DST: variants seen among roughly 807,000 people sequenced by gnomAD.
DST encodes bullous pemphigoid antigen.
Under a neutral mutation model 875.2 loss-of-function variants are expected in DST, and 253 were observed. The observed-to-expected ratio is 0.29, with a 90% CI of 0.26 to 0.32. DST has a LOEUF of 0.32. Ranked by LOEUF, DST falls within the 10% of genes least tolerant of loss-of-function variation. The probability of loss-of-function intolerance (pLI) is 1.00; values close to 1 mark genes in which losing one functional copy is unlikely to be tolerated. For synonymous variants in DST, 3,124 were observed against 3,197.1 expected (o/e 0.98, Z 0.77); for missense variants, 8,287 against 9,111.6 (o/e 0.91, Z 3.68).
At position 56,515,654 on chromosome 6, in the gene DST, C is replaced by T; in HGVS notation, c.18372G>A (p.Lys6124=). The T allele has an allele frequency of 6.2e-7, 1 of 1,604,062 alleles. No homozygotes were observed. The highest frequency in any genetic ancestry group is 8.5e-7 in the Non-Finnish European group (1 of 1,174,462). Residue 6124 remains lysine (K), a synonymous_variant, in exon 72 of 104, where the codon AAG becomes AAA. Coordinates refer to ENST00000680361, the MANE Select transcript of DST (RefSeq NM_001374736.1). ...AGATGGTATCATAGTTCTTCAGTAC[C>T]TTGTCCAGTTTTTTCTAGAAAATAA... The part of the protein sequence containing the change: ...EKQSMKKKLD[K]VLKNYDTICQ...
Position 56,771,110 on chromosome 6 carries a change from T to C in DST, c.626-35821A>G, listed in dbSNP as rs77422639. 3.8e-3 allele frequency among the ~76,000 whole-genome samples: 578 copies of C among 151,528 alleles called. 24 individuals carry two copies. The East Asian group carries it at 0.092, about 24-fold the overall frequency. On this transcript the variant is annotated intron_variant, in intron 4 of 103. Coordinates refer to ENST00000680361, the MANE Select transcript of DST (RefSeq NM_001374736.1). ...ATAAACATATCTCTTCTGGTCAATA[T>C]AAACACAGCCTTAGAGCTACCACAT...
chr6:56,870,169 G>A (rs1160396637), intron 3 of DST, among the ~76,000 whole-genome samples: 1 of 152,038 alleles, frequency 6.6e-6, no homozygotes, highest in Admixed American at 6.6e-5. Flanking sequence ...AGCTGGGAAG[G>A]TGACCACATC....
At position 56,599,437 on chromosome 6, in the gene DST, G is replaced by A. The variant is rs148760206; in HGVS notation, c.11694+632C>T. On this transcript the variant is annotated intron_variant, in intron 45 of 103. Transcript: ENST00000680361. ...GAGCCATGACTATGTGACCTTAACT[G>A]TGCTAGTGACTTACACAATATTTAC... 1.1e-3 allele frequency among the ~76,000 whole-genome samples: 160 copies of A among 152,142 alleles called. 2 individuals are homozygous for A. Among genetic ancestry groups the A allele is most frequent in the Non-Finnish European group, 1.3e-3 (87 of 67,956 alleles).
intron 4 of DST, among the ~76,000 whole-genome samples, chr6:56,787,768 GTACTATAA>G (rs2099708021): frequency 6.6e-6 from 1 of 152,120 alleles, no homozygotes; most frequent in African/African-American, 2.4e-5. Context: ...TTCTATGAAA[GTACTATAA>G]TGTTAACTTG....
At chr6:56,749,354 A>G (rs553772412) in intron 4 of DST, among the ~76,000 whole-genome samples, 1 of 152,100 alleles carries the variant, frequency 6.6e-6, no homozygotes, top group East Asian at 1.9e-4. Context: ...ACTGTGTCTC[A>G]AAAAAATAAA....
At chr6:56,594,765 C>A (rs2098341953) in intron 47 of DST, among the ~76,000 whole-genome samples, 1 of 152,210 alleles carries the variant, frequency 6.6e-6, no homozygotes, top group Non-Finnish European at 1.5e-5. Flanking sequence ...AGCTACTCAG[C>A]TTCACTGGGC....
At chr6:56,875,918 G>T (rs913630170) in intron 3 of DST, among the ~76,000 whole-genome samples, 9 of 152,062 alleles carry the variant, frequency 5.9e-5, no homozygotes, top group African/African-American at 2.2e-4. Flanking sequence ...TCTTTTCTAG[G>T]TGCCCTTTGA....
At chr6:56,599,978 C>T (rs553659891) in intron 45 of DST, 91 bp downstream of exon 45, 2 of 1,258,860 alleles carry the variant, frequency 1.6e-6, no homozygotes, top group African/African-American at 1.5e-5. Flanking sequence ...GCTAAAATTA[C>T]TGGTATTTTC....
intron 4 of DST, among the ~76,000 whole-genome samples, chr6:56,764,556 T>C (rs1163169903): frequency 6.6e-6 from 1 of 152,188 alleles, no homozygotes; most frequent in Admixed American, 6.5e-5. Flanking sequence ...TGACCTTGTT[T>C]CATGTCTGTT....
chr6:56,726,801 T>C (rs1260368185), intron 5 of DST, among the ~76,000 whole-genome samples: 4 of 152,204 alleles, frequency 2.6e-5, no homozygotes, highest in Non-Finnish European at 5.9e-5. Flanking sequence ...AAAAGCTTTA[T>C]TTAGTTTCAT....
At chr6:56,631,770 C>T in intron 29 of DST, 113 bp downstream of exon 29, 6 of 954,384 alleles carry the variant, frequency 6.3e-6, no homozygotes, top group Admixed American at 1.8e-5. Flanking sequence ...CCTCACCTCA[C>T]ACTAGACTGG....
intron 58 of DST, among the ~76,000 whole-genome samples, 192 bp downstream of exon 58, chr6:56,560,100 TAA>T (rs986887314): frequency 6.6e-6 from 1 of 152,220 alleles, no homozygotes; most frequent in African/African-American, 2.4e-5. Flanking sequence ...GTGTTTACCA[TAA>T]AAAACATAAG....
At chr6:56,479,139 AATACAAGC>A (rs879330605) in intron 90 of DST, among the ~76,000 whole-genome samples, 3 of 152,138 alleles carry the variant, frequency 2.0e-5, no homozygotes, top group Non-Finnish European at 4.4e-5. Flanking sequence ...CAAAAGAAGA[AATACAAGC>A]ATACAAGCAG....
intron 5 of DST, among the ~76,000 whole-genome samples, chr6:56,733,465 C>T (rs2099510417): frequency 6.6e-6 from 1 of 152,160 alleles, no homozygotes; most frequent in Admixed American, 6.5e-5. Flanking sequence ...TTATAGAGTG[C>T]CTAACAATAT....
At chr6:56,689,726 C>G (rs1337377501) in intron 9 of DST, among the ~76,000 whole-genome samples, 1 of 152,140 alleles carries the variant, frequency 6.6e-6, no homozygotes, top group African/African-American at 2.4e-5. Context: ...TAGGTGACAT[C>G]CAGGCATCTA....
chr6:56,682,488 ACT>A (rs1445533105), intron 9 of DST, among the ~76,000 whole-genome samples: 1 of 151,892 alleles, frequency 6.6e-6, no homozygotes, highest in Non-Finnish European at 1.5e-5. Flanking sequence ...CATTACCTCT[ACT>A]CTTACACACA....
At chr6:56,754,244 C>T (rs1467277432) in intron 4 of DST, among the ~76,000 whole-genome samples, 1 of 152,088 alleles carries the variant, frequency 6.6e-6, no homozygotes, top group East Asian at 1.9e-4. Context: ...AAAAGAAATA[C>T]GTAACTTATT....
At chr6:56,668,932 G>A (rs1362362715) in intron 10 of DST, among the ~76,000 whole-genome samples, 1 of 151,970 alleles carries the variant, frequency 6.6e-6, no homozygotes, top group African/African-American at 2.4e-5. Flanking sequence ...AGAGGAAAGA[G>A]AGGAAGAGAA....
chr6:56,938,108 C>CTCTCTCTCTCTCTCTCTCTATATATA (rs1383243392), intron 2 of DST, among the ~76,000 whole-genome samples: 13 of 120,748 alleles, frequency 1.1e-4, no homozygotes, highest in African/African-American at 4.2e-4. Context: ...CTCTCTCTCT[C>CTCTCTCTCTCTCTCTCTCTATATATA]TATATATATA....
Sources: allele counts gnomAD v4.1 joint callset (sites outside exome capture counted in the v4.1 genomes callset), GRCh38; gene constraint gnomAD v4.1.1; transcripts MANE v1.5; gene names NCBI Gene and HGNC (gene_info 2026-07-23, HGNC 2026-07-21).